The following CNTN6 variants were observed in gnomAD, a reference collection of about 807,000 sequenced individuals.
The protein encoded by CNTN6 is contactin 6.
Under a neutral mutation model 122.8 loss-of-function variants are expected in CNTN6, and 137 were observed. The observed-to-expected ratio is 1.12, with a 90% confidence interval of 0.97 to 1.29. The LOEUF is 1.29. Among genes scored for constraint, CNTN6 ranks in the 50% most tolerant of loss-of-function variants. The pLI, the probability that CNTN6 is intolerant of heterozygous loss-of-function variation, is 0.00. For missense variants in CNTN6, 1,634 were observed against 1,223.4 expected (o/e 1.34, Z -5.01); for synonymous variants, 570 against 426.0 (o/e 1.34, Z -4.16).
intron 4 of CNTN6, among the ~76,000 whole-genome samples, chr3:1,249,212 G>A (rs942991459): frequency 5.3e-5 from 8 of 151,258 alleles, no homozygotes; most frequent in African/African-American, 1.9e-4. Context: ...ATGATGTAAA[G>A]AAATCTTAGG....
chr3:1,287,165 G>C (rs1376680769), intron 5 of CNTN6, among the ~76,000 whole-genome samples: 3 of 152,132 alleles, frequency 2.0e-5, no homozygotes, highest in Admixed American at 6.5e-5. Context: ...CAACAAGACA[G>C]AAAATTAACA....
At chr3:1,316,470 A>T (rs917861244) in intron 7 of CNTN6, among the ~76,000 whole-genome samples, 3 of 151,918 alleles carry the variant, frequency 2.0e-5, no homozygotes, top group Non-Finnish European at 4.4e-5. Context: ...ACTCACTATC[A>T]TGAGAACAGC....
intron 12 of CNTN6, among the ~76,000 whole-genome samples, chr3:1,362,231 A>G (rs905391209): frequency 6.6e-6 from 1 of 152,118 alleles, no homozygotes; most frequent in Non-Finnish European, 1.5e-5. Context: ...ATATAACACT[A>G]TAAAATCACT....
chr3:1,401,700 A>T (rs1695732738), intron 21 of CNTN6, among the ~76,000 whole-genome samples, 155 bp downstream of exon 21: 1 of 152,074 alleles, frequency 6.6e-6, no homozygotes, highest in Non-Finnish European at 1.5e-5. Context: ...CTAATTTTCC[A>T]TTGAAAATGT....
chr3:1,313,125 A>G (rs1196064039), intron 7 of CNTN6, among the ~76,000 whole-genome samples: 2 of 152,050 alleles, frequency 1.3e-5, no homozygotes, highest in Non-Finnish European at 2.9e-5. Flanking sequence ...CCACCTACCT[A>G]TACCAAATTA....
intron 2 of CNTN6, among the ~76,000 whole-genome samples, chr3:1,158,803 CACACAT>C (rs1452303085): frequency 0.26 from 17,091 of 66,520 alleles, 1,876 homozygotes; most frequent in East Asian, 0.35. Flanking sequence ...TATATATATA[CACACAT>C]ATATATACAC....
At chr3:1,333,855 C>A (rs942431263) in intron 11 of CNTN6, among the ~76,000 whole-genome samples, 4 of 152,100 alleles carry the variant, frequency 2.6e-5, no homozygotes, top group African/African-American at 9.7e-5. Context: ...CCAAGTCTTC[C>A]ATCTCTGTAT....
intron 20 of CNTN6, chr3:1,394,579 A>G (rs1445467315): frequency 6.6e-6 from 1 of 152,052 alleles, no homozygotes; most frequent in Non-Finnish European, 1.5e-5. Flanking sequence ...CGCTCTGTAT[A>G]TATTCTATAT....
chr3:1,394,171 T>G (rs1404149765), intron 20 of CNTN6: 4 of 199,602 alleles, frequency 2.0e-5, no homozygotes, highest in Non-Finnish European at 3.1e-5. Context: ...AACTGCTCCT[T>G]GCTGCTGGGC....
intron 1 of CNTN6, among the ~76,000 whole-genome samples, chr3:1,094,738 T>C (rs2124908694): frequency 6.6e-6 from 1 of 152,096 alleles, no homozygotes; most frequent in East Asian, 1.9e-4. Context: ...ATGTGTGGTA[T>C]ATTAAATTGA....
Position 1,139,553 on chromosome 3 carries a change from C to T in CNTN6, c.-82-8374C>T, listed in dbSNP as rs77922627. 5.3e-4 allele frequency among the ~76,000 whole-genome samples: 81 copies of T among 152,148 alleles called. No individual in the cohort carries two copies. In the South Asian group the frequency reaches 6.4e-3, roughly 12 times the overall value. On this transcript the variant is annotated intron_variant, in intron 1 of 22. Coordinates refer to ENST00000446702, the MANE Select transcript of CNTN6 (RefSeq NM_001289080.2). ...CAAGAACAACCTTAAAATCACCTAA[C>T]CCAGGTCACGAAGCCCTAAAAATAT...
At chr3:1,118,103 A>C (rs13069565) in intron 1 of CNTN6, among the ~76,000 whole-genome samples, 85,415 of 152,056 alleles carry the variant, frequency 0.56, 24,903 homozygotes, top group Non-Finnish European at 0.63. Context: ...TATGCTCCGT[A>C]CTTAGTAAGG....
intron 2 of CNTN6, among the ~76,000 whole-genome samples, chr3:1,152,929 C>G (rs1186822370): frequency 6.6e-6 from 1 of 152,122 alleles, no homozygotes; most frequent in Non-Finnish European, 1.5e-5. Context: ...ATAGTAGTTA[C>G]AAGGAGTGTG....
At position 1,402,007 on chromosome 3, in the gene CNTN6, A is replaced by T. The variant is rs570856939; in HGVS notation, c.2818-311A>T. Among the ~76,000 whole-genome samples, 25 of 152,170 alleles carry T rather than the reference A, an allele frequency of 1.6e-4. 1 individual carries two copies. Among genetic ancestry groups the T allele is most frequent in the Admixed American group, 1.6e-3 (24 of 15,240 alleles). On this transcript the variant is annotated intron_variant, in intron 21 of 22. Transcript: ENST00000446702. Reference sequence around the variant, plus strand: ...GGACATCATCTCTTGGCAGACATATATTCAACATTTGAAATGGGTCCAAAC... The same window carrying T: ...GGACATCATCTCTTGGCAGACATATTTTCAACATTTGAAATGGGTCCAAAC...
At chr3:1,266,681 T>C (rs2094930944) in intron 4 of CNTN6, among the ~76,000 whole-genome samples, 1 of 152,170 alleles carries the variant, frequency 6.6e-6, no homozygotes, top group African/African-American at 2.4e-5. Flanking sequence ...ATAGCAGGTA[T>C]AATGGTTCGC....
chr3:1,231,893 T>G (rs1040992822), intron 4 of CNTN6, among the ~76,000 whole-genome samples: 4 of 152,220 alleles, frequency 2.6e-5, no homozygotes, highest in Admixed American at 2.6e-4. Context: ...ATGATAAAAC[T>G]AGTTTGACTT....
At chr3:1,175,944 T>G (rs1284239928) in intron 2 of CNTN6, among the ~76,000 whole-genome samples, 1 of 152,192 alleles carries the variant, frequency 6.6e-6, no homozygotes, top group East Asian at 1.9e-4. Flanking sequence ...CAGCAATTGG[T>G]TCACTGGTTG....
At chr3:1,320,091 G>T (rs139071987) in intron 7 of CNTN6, among the ~76,000 whole-genome samples, 1 of 151,640 alleles carries the variant, frequency 6.6e-6, no homozygotes, top group African/African-American at 2.4e-5. Context: ...GTTAATTGTT[G>T]CCATGAATAT....
intron 2 of CNTN6, among the ~76,000 whole-genome samples, chr3:1,207,273 T>C (rs1453787639): frequency 1.3e-5 from 2 of 152,128 alleles, no homozygotes; most frequent in Non-Finnish European, 2.9e-5. Context: ...CTGATACTCA[T>C]TCATGATTTC....
Sources: gnomAD v4.1 joint callset for allele counts (sites outside exome capture counted in the v4.1 genomes callset) on GRCh38, gnomAD v4.1.1 for gene constraint, MANE v1.5 for transcripts, NCBI Gene and HGNC (gene_info 2026-07-23, HGNC 2026-07-21) for gene names.